ITGAE: variants seen among roughly 807,000 people sequenced by gnomAD.
ITGAE encodes the protein integrin subunit alpha E.
Under a neutral mutation model 136.5 loss-of-function variants are expected in ITGAE, and 99 were observed. The observed-to-expected ratio is 0.73, with a 90% CI of 0.62 to 0.86. The LOEUF (loss-of-function observed/expected upper bound fraction) is 0.86. ITGAE is among the 40% of genes least tolerant of loss of function. The pLI is 0.00. For synonymous variants in ITGAE, 613 were observed against 591.8 expected (o/e 1.04, Z -0.52); for missense variants, 1,447 against 1,515.3 (o/e 0.95, Z 0.75).
rs200622965 is a variant in ITGAE at position 3,757,105 on chromosome 17, A to C, written c.1050T>G (p.Thr350=). Residue 350 remains threonine (T), a synonymous_variant, in exon 10 of 31, where the codon ACT becomes ACG. Coordinates refer to ENST00000263087, the MANE Select transcript of ITGAE (RefSeq NM_002208.5). ...GVGEEFKSAR[T]ARELNLIASD... ...AGGCGATCAGGTTCAGTTCCCTCGC[A>C]GTCCTAGCACTCTTAAATTCTTCTC... The C allele has an allele frequency of 9.9e-6, 16 of 1,614,172 alleles. No homozygotes were observed. Among genetic ancestry groups the C allele is most frequent in the Non-Finnish European group, 1.3e-5 (15 of 1,180,028 alleles).
At chr17:3,724,161 G>C (rs770918823) in intron 26 of ITGAE, 2 of 1,594,156 alleles carry the variant, frequency 1.3e-6, no homozygotes, top group African/African-American at 2.7e-5. Flanking sequence ...CGGCAGCCCG[G>C]TGAGGCGGCG....
intron 12 of ITGAE, 67 bp downstream of exon 12, chr17:3,755,047 TCGC>T (rs2051976462): frequency 4.7e-5 from 29 of 614,264 alleles, no homozygotes; most frequent in South Asian, 2.5e-4. Flanking sequence ...GGCCCCACCC[TCGC>T]CCAGGGAGCC....
intron 19 of ITGAE, 145 bp from the exon 20 acceptor site, chr17:3,740,023 G>A (rs754149641): frequency 1.5e-6 from 1 of 672,954 alleles, no homozygotes; most frequent in East Asian, 2.7e-5. Flanking sequence ...AGGGGTGCAG[G>A]CTGGGATTGT....
At chr17:3,753,496 C>T in intron 13 of ITGAE, 66 bp from the exon 14 acceptor site, 1 of 1,564,244 alleles carries the variant, frequency 6.4e-7, no homozygotes, top group Non-Finnish European at 8.7e-7. Context: ...AAGGCTACAC[C>T]CCTGCCCGCG....
chr17:3,743,682 G>A, intron 18 of ITGAE, 65 bp from the exon 19 acceptor site: 2 of 938,672 alleles, frequency 2.1e-6, no homozygotes, highest in South Asian at 1.5e-5. Context: ...CAACAATAAT[G>A]CTTTTTTTCT....
At chr17:3,787,889 A>G (rs1371063133) in intron 1 of ITGAE, among the ~76,000 whole-genome samples, 1 of 151,874 alleles carries the variant, frequency 6.6e-6, no homozygotes, top group Non-Finnish European at 1.5e-5. Flanking sequence ...GCTTTTCGCC[A>G]TGTTGGCCAG....
intron 2 of ITGAE, among the ~76,000 whole-genome samples, chr17:3,770,207 C>G (rs1279427822): frequency 1.3e-5 from 2 of 151,386 alleles, no homozygotes; most frequent in African/African-American, 4.9e-5. Context: ...GCAACCTCTG[C>G]CTCCTGGGTT....
At chr17:3,765,033 AC>A (rs1459475108) in intron 2 of ITGAE, among the ~76,000 whole-genome samples, 1 of 152,084 alleles carries the variant, frequency 6.6e-6, no homozygotes, top group Non-Finnish European at 1.5e-5. Context: ...AAGGGGAAGC[AC>A]ATGATTAGCT....
rs147122172 is a variant in ITGAE, at chr17:3,745,850, C to A, written c.2233G>T (p.Val745Leu). Reference protein sequence around the residue: ...KQRRRLQCSDVRSCLGCLREW... With the variant: ...KQRRRLQCSDLRSCLGCLREW... ...CTCAGGCAGCCCAGACAGCTTCTTA[C>A]GTCTGAACACTGCAGCCGTCTCCTC... The change falls in exon 18 of 31, where the codon GTA (valine) becomes TTA (leucine). Residue 745 changes from valine (V) to leucine (L), a missense_variant. By Grantham distance (32) the Val-to-Leu change is conservative. Around this residue, in one of 3 missense-constraint regions of ITGAE, gnomAD observed 1,031 missense variants for 1,011.4 expected, o/e 1.02. Coordinates refer to ENST00000263087, the MANE Select transcript of ITGAE (RefSeq NM_002208.5). 4 of 1,613,988 alleles carry A rather than the reference C, an allele frequency of 2.5e-6. No homozygotes were observed. Among genetic ancestry groups the A allele is most frequent in the South Asian group, 2.2e-5 (2 of 91,090 alleles).
At position 3,760,188 on chromosome 17, in the gene ITGAE, T is replaced by A. The variant is rs150916593; in HGVS notation, c.698A>T (p.Tyr233Phe). The A allele has an allele frequency of 1.2e-6, 2 of 1,611,438 alleles. No individual in the cohort carries two copies. Among genetic ancestry groups the A allele is most frequent in the Non-Finnish European group, 1.7e-6 (2 of 1,177,688 alleles). The stretch of plus-strand genomic sequence containing the variant: ...GAAGCCCACCTCAAAACACTTTTCA[T>A]AGAAGTTCCTCATCATGTTGGAGAT... ...DFISNMMRNF[Y>F]EKCFECNFAL... The change falls in exon 7 of 31, where the codon TAT (tyrosine) becomes TTT (phenylalanine). Residue 233 changes from tyrosine to phenylalanine, a missense_variant. Physicochemically the swap from Tyr to Phe is conservative, Grantham distance 22. Transcript: ENST00000263087.
At chr17:3,747,511 A>G (rs796677273) in intron 17 of ITGAE, among the ~76,000 whole-genome samples, 12 of 151,980 alleles carry the variant, frequency 7.9e-5, no homozygotes, top group Non-Finnish European at 1.3e-4. Flanking sequence ...GTGTTTCACC[A>G]TGTTAGGCAG....
rs1188717183 is a variant in ITGAE at position 3,755,267 on chromosome 17, G to C, written c.1240-6C>G. The C allele has an allele frequency of 6.4e-7, 1 of 1,570,036 alleles. No individual in the cohort carries two copies. Among genetic ancestry groups the C allele is most frequent in the Non-Finnish European group, 8.6e-7 (1 of 1,164,280 alleles). Reference sequence around the variant, plus strand: ...GCGCCGAGCAGCACCTGCCGCTGAAGGGGACGGGGATGGGGCCCAGATGAG... The same window carrying C: ...GCGCCGAGCAGCACCTGCCGCTGAACGGGACGGGGATGGGGCCCAGATGAG... On this transcript the variant is annotated splice_region_variant and splice_polypyrimidine_tract_variant and intron_variant, in intron 11 of 30. Transcript: ENST00000263087.
In ITGAE at chr17:3,798,975, T is replaced by C. The variant is rs2053186499; in HGVS notation, c.34+2136A>G. Among the ~76,000 whole-genome samples, 1 of 152,068 alleles carries C rather than the reference T, an allele frequency of 6.6e-6. No homozygotes were observed. Among genetic ancestry groups the C allele is most frequent in the South Asian group, 2.1e-4 (1 of 4,830 alleles). Reference sequence around the variant, plus strand: ...TCCGTCTGCTGCCACAAATAAGAAGTAGGCATCACCAGAGTGGCTGGCCTG... The same window carrying C: ...TCCGTCTGCTGCCACAAATAAGAAGCAGGCATCACCAGAGTGGCTGGCCTG... On this transcript the variant is annotated intron_variant, in intron 1 of 30. Coordinates refer to ENST00000263087, the MANE Select transcript of ITGAE (RefSeq NM_002208.5). This position sits in a 1 kb window ranked among gnomAD's most constrained non-coding sequence, Gnocchi z 4.3.
rs1322251882 is a variant in ITGAE, at chr17:3,801,184, A to G, written c.-40T>C. 6.2e-7 allele frequency: 1 copy of G among 1,605,864 alleles called. No homozygotes were observed. Among genetic ancestry groups the G allele is most frequent in the Non-Finnish European group, 8.5e-7 (1 of 1,179,358 alleles). ...AGGCGGCTGTGTGGGAGCCGAGGCG[A>G]GTGCGACACATGGGCCGTGGCCCAC... On this transcript the variant is annotated 5_prime_UTR_variant, in exon 1 of 31. Coordinates refer to ENST00000263087, the MANE Select transcript of ITGAE (RefSeq NM_002208.5).
At chr17:3,729,227 C>A (rs1201627199) in intron 24 of ITGAE, 3 of 456,726 alleles carry the variant, frequency 6.6e-6, no homozygotes, top group African/African-American at 3.9e-5. Flanking sequence ...CCCTCCACAG[C>A]GTCATATTAA....
chr17:3,731,723 C>A (rs2051348792), intron 22 of ITGAE, among the ~76,000 whole-genome samples: 1 of 151,982 alleles, frequency 6.6e-6, no homozygotes, highest in African/African-American at 2.4e-5. Context: ...GGTGAAGAAG[C>A]CACTTCAGAG....
intron 21 of ITGAE, 87 bp downstream of exon 21, chr17:3,734,730 G>T: frequency 6.6e-7 from 1 of 1,523,948 alleles, no homozygotes; most frequent in South Asian, 1.2e-5. Flanking sequence ...AGGCAGGGGT[G>T]CCAGTGAGGG....
chr17:3,714,697 C>T lies in ITGAE; in HGVS notation c.*150G>A, dbSNP rs1383437341. 1.9e-6 allele frequency: 1 copy of T among 517,484 alleles called. No individual in the cohort carries two copies. Among genetic ancestry groups the T allele is most frequent in the Non-Finnish European group, 3.4e-6 (1 of 294,224 alleles). 32.1% of individuals were successfully genotyped at this position (517,484 alleles called of 1,614,324 possible). On this transcript the variant is annotated 3_prime_UTR_variant, in exon 31 of 31. Coordinates refer to ENST00000263087, the MANE Select transcript of ITGAE (RefSeq NM_002208.5). ...GTTTACTTTTTGCACAATGCACAGA[C>T]ACTTTTGGGACAATGTATGGTTAAA...
In ITGAE at chr17:3,755,272, C is replaced by T. The variant is rs540000845; in HGVS notation, c.1240-11G>A. ...GAGCAGCACCTGCCGCTGAAGGGGACGGGGATGGGGCCCAGATGAGTGGGA... is the reference window on the plus strand; with the variant it reads ...GAGCAGCACCTGCCGCTGAAGGGGATGGGGATGGGGCCCAGATGAGTGGGA... On this transcript the variant is annotated splice_polypyrimidine_tract_variant and intron_variant, in intron 11 of 30. Coordinates refer to ENST00000263087, the MANE Select transcript of ITGAE (RefSeq NM_002208.5). 11 of 1,566,334 alleles carry T rather than the reference C, an allele frequency of 7.0e-6. No individual in the cohort carries two copies. The highest frequency in any genetic ancestry group is 1.8e-5 in the Admixed American group (1 of 54,192).
Sources: gnomAD v4.1 joint callset for allele counts (sites outside exome capture counted in the v4.1 genomes callset) on GRCh38, gnomAD v4.1.1 for gene constraint, gnomAD v4.1.1 regional missense constraint, Gnocchi (gnomAD v3.1) non-coding constraint, MANE v1.5 for transcripts, NCBI Gene and HGNC (gene_info 2026-07-23, HGNC 2026-07-21) for gene names.